MTCH1: variants seen among roughly 807,000 people sequenced by gnomAD.
MTCH1 encodes mitochondrial carrier homolog 1.
In MTCH1, 23 loss-of-function variants were observed where a neutral mutation model predicts 49.3. The ratio of observed to expected loss-of-function variants is 0.47; its 90% CI spans 0.34 to 0.66. The LOEUF is 0.66. Among genes scored for constraint, MTCH1 ranks in the 30% least tolerant of loss-of-function variants. MTCH1 has a pLI of 0.01. For synonymous variants in MTCH1, 229 were observed against 215.2 expected (o/e 1.06, Z -0.56); for missense variants, 397 against 532.1 (o/e 0.75, Z 2.50).
intron 2 of MTCH1, among the ~76,000 whole-genome samples, chr6:36,980,259 A>T (rs17624895): frequency 0.11 from 16,606 of 152,262 alleles, 1,096 homozygotes; most frequent in South Asian, 0.17. Flanking sequence ...ATGGGGGTCA[A>T]GTTCCCTCTG....
intron 1 of MTCH1, 39 bp from the exon 2 acceptor site, chr6:36,981,711 C>T (rs111630374): frequency 1.8e-5 from 29 of 1,571,566 alleles, no homozygotes; most frequent in South Asian, 1.5e-4. Context: ...CTCAGAGTCT[C>T]GTGGTGATTC....
chr6:36,986,394 CG>C, upstream of MTCH1: 1 of 372,870 alleles, frequency 2.7e-6, no homozygotes, highest in Non-Finnish European at 4.7e-6. Flanking sequence ...GCCGGGGCCC[CG>C]GGCTCGGGAG....
In MTCH1 at chr6:36,978,066, C is replaced by T; in HGVS notation, c.591+12G>A. The T allele has an allele frequency of 6.2e-7, 1 of 1,606,914 alleles. No individual in the cohort carries two copies. Among genetic ancestry groups the T allele is most frequent in the Non-Finnish European group, 8.5e-7 (1 of 1,173,452 alleles). ...TCCACGCACCTCTCCCTCTCCAACT[C>T]TCAACACCCACCTCCTTCACAACTT... On this transcript the variant is annotated intron_variant, in intron 4 of 11. Coordinates refer to ENST00000373627, the MANE Select transcript of MTCH1 (RefSeq NM_001271641.2).
chr6:36,971,708 CAT>C (rs769361122), intron 8 of MTCH1, among the ~76,000 whole-genome samples: 3 of 152,172 alleles, frequency 2.0e-5, no homozygotes, highest in East Asian at 3.9e-4. Context: ...CACACACACA[CAT>C]GCTGAACATG....
rs753010128 is a variant in MTCH1, at chr6:36,978,064, C to A, written c.591+14G>T. 1.2e-6 allele frequency: 2 copies of A among 1,605,046 alleles called. No homozygotes were observed. The highest frequency in any genetic ancestry group is 1.1e-5 in the South Asian group (1 of 90,878). On this transcript the variant is annotated intron_variant, in intron 4 of 11. Transcript: ENST00000373627. ...CCTCCACGCACCTCTCCCTCTCCAA[C>A]TCTCAACACCCACCTCCTTCACAAC...
chr6:36,968,893 A>C lies in MTCH1; in HGVS notation c.*10T>G, dbSNP rs771554982. ...GCCAGGTTGAGACCGTGTTTTTTAG[A>C]TGATTCAGGTTACTCCAGGGCAAAG... is the stretch of plus-strand genomic sequence containing the variant. On this transcript the variant is annotated 3_prime_UTR_variant, in exon 12 of 12. Transcript: ENST00000373627. 1 of 1,613,904 alleles carries C rather than the reference A, an allele frequency of 6.2e-7. No homozygotes were observed. Among genetic ancestry groups the C allele is most frequent in the African/African-American group, 1.3e-5 (1 of 75,010 alleles).
intron 11 of MTCH1, 62 bp downstream of exon 11, chr6:36,969,977 C>A: frequency 1.3e-6 from 2 of 1,596,066 alleles, no homozygotes; most frequent in Non-Finnish European, 1.7e-6. Context: ...TCCACAAAAC[C>A]ATTTCAGCTG....
In MTCH1 at chr6:36,985,927, C is replaced by T; in HGVS notation, c.247G>A (p.Ala83Thr). The change falls in exon 1 of 12, where the codon GCT (alanine) becomes ACT (threonine). Residue 83 changes from alanine to threonine, a missense_variant. Ala to Thr is a moderately conservative substitution (Grantham distance 58). Around this residue, in one of 2 missense-constraint regions of MTCH1, gnomAD observed 145 missense variants for 143.8 expected, o/e 1.01. Coordinates refer to ENST00000373627, the MANE Select transcript of MTCH1 (RefSeq NM_001271641.2). ...GSGDNAPTTE[A>T]LFVALGAGVT... is the part of the protein sequence containing the mutation. ...CCCGCGCCCAGTGCCACGAAAAGAG[C>T]CTCAGTGGTCGGGGCGTTGTCCCCA... 1 of 1,553,846 alleles carries T rather than the reference C, an allele frequency of 6.4e-7. No individual in the cohort carries two copies. The highest frequency in any genetic ancestry group is 8.7e-7 in the Non-Finnish European group (1 of 1,148,862).
In MTCH1 at chr6:36,977,773, G is replaced by A; in HGVS notation, c.592-82C>T. ...CCTCGAGGGGAGCTACAAGTGCTCAGGAGGGAGAAACCTGTCCCAGGGACT... is the reference window on the plus strand; with the variant it reads ...CCTCGAGGGGAGCTACAAGTGCTCAAGAGGGAGAAACCTGTCCCAGGGACT... On this transcript the variant is annotated intron_variant, in intron 4 of 11. Coordinates refer to ENST00000373627, the MANE Select transcript of MTCH1 (RefSeq NM_001271641.2). This position sits in a 1 kb window ranked among gnomAD's most constrained non-coding sequence, Gnocchi z 5.4. 7.8e-7 allele frequency: 1 copy of A among 1,285,176 alleles called. No individual in the cohort carries two copies. Among genetic ancestry groups the A allele is most frequent in the South Asian group, 1.3e-5 (1 of 74,366 alleles). 79.6% of individuals were successfully genotyped at this position (1,285,176 alleles called of 1,614,324 possible). A position where few individuals can be genotyped will look rare whatever the true frequency, so the allele number is the denominator to read the frequency against.
chr6:36,978,440 C>A, intron 3 of MTCH1, 65 bp downstream of exon 3: 1 of 1,504,696 alleles, frequency 6.6e-7, no homozygotes, highest in Non-Finnish European at 9.2e-7. Flanking sequence ...TAACTGGCTG[C>A]TGCAGGGGTG....
rs563527784 is a variant in MTCH1, at chr6:36,982,843, C to T, written c.322-1171G>A. Among the ~76,000 whole-genome samples the T allele has an allele frequency of 7.9e-5, 12 of 152,338 alleles. No homozygotes were observed. Among genetic ancestry groups the T allele is most frequent in the African/African-American group, 2.9e-4 (12 of 41,584 alleles). On this transcript the variant is annotated intron_variant, in intron 1 of 11. Coordinates refer to ENST00000373627, the MANE Select transcript of MTCH1 (RefSeq NM_001271641.2). This position sits in a 1 kb window ranked among gnomAD's most constrained non-coding sequence, Gnocchi z 4.1. ...TAGGTGGGGAGTGAGAAGGCTCCTT[C>T]CTCCCTTGGCAAGGGGCCAGGATAC...
Position 36,977,976 on chromosome 6 carries a change from G to A in MTCH1, c.591+102C>T, listed in dbSNP as rs1354855420. ...TACCATCCCACCCATGCATACACAA[G>A]GACCCAACTCTTCGACTTGTCAATG... On this transcript the variant is annotated intron_variant, in intron 4 of 11. Coordinates refer to ENST00000373627, the MANE Select transcript of MTCH1 (RefSeq NM_001271641.2). This position sits in a 1 kb window ranked among gnomAD's most constrained non-coding sequence, Gnocchi z 5.4. 7.4e-6 allele frequency: 8 copies of A among 1,074,100 alleles called. No homozygotes were observed. Among genetic ancestry groups the A allele is most frequent in the Non-Finnish European group, 1.1e-5 (8 of 695,984 alleles). 66.5% of individuals were successfully genotyped at this position (1,074,100 alleles called of 1,614,324 possible). A position where few individuals can be genotyped will look rare whatever the true frequency, so the allele number is the denominator to read the frequency against.
chr6:36,968,512 T>C lies in MTCH1; in HGVS notation c.*391A>G. The C allele has an allele frequency of 2.8e-6, 1 of 362,146 alleles. No homozygotes were observed. The highest frequency in any genetic ancestry group is 3.8e-5 in the Admixed American group (1 of 26,630). 22.4% of individuals were successfully genotyped at this position (362,146 alleles called of 1,614,324 possible). On this transcript the variant is annotated 3_prime_UTR_variant, in exon 12 of 12. Coordinates refer to ENST00000373627, the MANE Select transcript of MTCH1 (RefSeq NM_001271641.2). Reference sequence around the variant, plus strand: ...AGGAGAATGATGCTCCCAGCTGAGCTGCAGGATGGGCGCTGGGCTGACTGG... The same window carrying C: ...AGGAGAATGATGCTCCCAGCTGAGCCGCAGGATGGGCGCTGGGCTGACTGG...
intron 7 of MTCH1, among the ~76,000 whole-genome samples, chr6:36,974,156 A>G (rs139446138): frequency 8.6e-4 from 131 of 152,244 alleles, no homozygotes; most frequent in African/African-American, 2.9e-3. Flanking sequence ...GTGAATATAA[A>G]TCAGAGTTTC....
intron 11 of MTCH1, 54 bp downstream of exon 11, chr6:36,969,985 C>T (rs1420465498): frequency 1.9e-6 from 3 of 1,602,774 alleles, no homozygotes; most frequent in Non-Finnish European, 2.6e-6. Flanking sequence ...ACCATTTCAG[C>T]TGAAGGATGT....
rs1763650688 is a variant in MTCH1, at chr6:36,970,633, C to G, written c.954+14G>C. The G allele has an allele frequency of 1.9e-6, 3 of 1,614,208 alleles. No individual in the cohort carries two copies. Among genetic ancestry groups the G allele is most frequent in the Non-Finnish European group, 1.7e-6 (2 of 1,180,010 alleles). ...GCAAGGCAGTGGGAAGGAAGGACAGCTGGCACAACTTACCCCCATCACGAA... is the reference window on the plus strand; with the variant it reads ...GCAAGGCAGTGGGAAGGAAGGACAGGTGGCACAACTTACCCCCATCACGAA... On this transcript the variant is annotated intron_variant, in intron 9 of 11. Coordinates refer to ENST00000373627, the MANE Select transcript of MTCH1 (RefSeq NM_001271641.2).
intron 6 of MTCH1, 118 bp from the exon 7 acceptor site, chr6:36,975,835 G>A: frequency 1.2e-6 from 1 of 848,032 alleles, no homozygotes; most frequent in Non-Finnish European, 2.0e-6. Context: ...TGGCAGGGAT[G>A]GGGAGGACTA....
rs1763967418 is a variant in MTCH1 at position 36,978,409 on chromosome 6, AAGG to A, written c.513+93_513+95del. The A allele has an allele frequency of 3.9e-5, 50 of 1,268,024 alleles. No individual in the cohort carries two copies. In the South Asian group the frequency reaches 6.3e-4, roughly 16 times the overall value. The allele number at this position is 1,268,024 out of a possible 1,614,324, so 78.5% of individuals were successfully genotyped here. A position where few individuals can be genotyped will look rare whatever the true frequency, so the allele number is the denominator to read the frequency against. ...GGAGTGAAGCCCCCAATGGTCTGGG[AAGG>A]AGGAGGCAAGACCAGGGTAACTGGC... On this transcript the variant is annotated intron_variant, in intron 3 of 11. Coordinates refer to ENST00000373627, the MANE Select transcript of MTCH1 (RefSeq NM_001271641.2).
At chr6:36,975,915 T>C (rs6927651) in intron 6 of MTCH1, among the ~76,000 whole-genome samples, 198 bp from the exon 7 acceptor site, 36,237 of 152,044 alleles carry the variant, frequency 0.24, 4,438 homozygotes, top group South Asian at 0.34. Flanking sequence ...ACACAGTTCA[T>C]GGAGACTGGG....
Sources: gnomAD v4.1 joint callset for allele counts (sites outside exome capture counted in the v4.1 genomes callset) on GRCh38, gnomAD v4.1.1 for gene constraint, gnomAD v4.1.1 regional missense constraint, Gnocchi (gnomAD v3.1) non-coding constraint, MANE v1.5 for transcripts, NCBI Gene and HGNC (gene_info 2026-07-23, HGNC 2026-07-21) for gene names.